ITPK1: variants seen among roughly 807,000 people sequenced by gnomAD.
ITPK1 encodes inositol 1,3,4-trisphosphate 5/6-kinase.
ITPK1 carries 21 observed loss-of-function variants against 45.3 expected under a neutral mutation model. That is an observed-to-expected ratio of 0.46 (90% CI 0.33 to 0.67). ITPK1 has a LOEUF of 0.67. Among genes scored for constraint, ITPK1 ranks in the 30% least tolerant of loss-of-function variants. The pLI, the probability that ITPK1 is intolerant of heterozygous loss-of-function variation, is 0.02. For missense variants in ITPK1, 474 were observed against 573.5 expected (o/e 0.83, Z 1.77); for synonymous variants, 258 against 253.6 (o/e 1.02, Z -0.16).
intron 3 of ITPK1, among the ~76,000 whole-genome samples, chr14:93,053,768 T>C (rs1303137607): frequency 6.6e-6 from 1 of 152,194 alleles, no homozygotes; most frequent in African/African-American, 2.4e-5. Flanking sequence ...TCTCTGCACC[T>C]TCCTCTCAAT....
intron 3 of ITPK1, among the ~76,000 whole-genome samples, chr14:93,018,644 G>A (rs539570122): frequency 2.6e-4 from 40 of 152,264 alleles, no homozygotes; most frequent in African/African-American, 9.6e-4. Flanking sequence ...ACCAAAACCA[G>A]GCTAGCTGAG....
chr14:93,055,762 G>A (rs1416385046), intron 3 of ITPK1, among the ~76,000 whole-genome samples: 1 of 152,172 alleles, frequency 6.6e-6, no homozygotes, highest in Non-Finnish European at 1.5e-5. Context: ...AGAAACTGAA[G>A]GTGCCCAGCG....
At chr14:92,943,263 C>T (rs866013739) in intron 10 of ITPK1, among the ~76,000 whole-genome samples, 50 of 152,346 alleles carry the variant, frequency 3.3e-4, no homozygotes, top group Middle Eastern at 6.8e-3. Context: ...CCATGGCGTT[C>T]ACAGCACTCG....
chr14:93,078,030 T>A (rs894802167), intron 2 of ITPK1, among the ~76,000 whole-genome samples: 1 of 152,174 alleles, frequency 6.6e-6, no homozygotes. Flanking sequence ...TTTAAAGCTA[T>A]GTGTGCCCGT....
At chr14:93,020,931 C>T (rs533775307) in intron 3 of ITPK1, among the ~76,000 whole-genome samples, 2 of 152,206 alleles carry the variant, frequency 1.3e-5, no homozygotes, top group South Asian at 4.2e-4. Flanking sequence ...TAGTCTGAGA[C>T]GGGGACTCAT....
Position 92,941,911 on chromosome 14 carries a change from G to T in ITPK1, c.902-7C>A, listed in dbSNP as rs111490687. On this transcript the variant is annotated splice_polypyrimidine_tract_variant and splice_region_variant and intron_variant, in intron 10 of 10. Transcript: ENST00000267615. Reference sequence around the variant, plus strand: ...TCGCTCACGCCCTCGTAGCCTGGGGGTGGGAGAGAGACAGCACAAGGGGCG... The same window carrying T: ...TCGCTCACGCCCTCGTAGCCTGGGGTTGGGAGAGAGACAGCACAAGGGGCG... The T allele has an allele frequency of 6.2e-7, 1 of 1,610,108 alleles. No homozygotes were observed.
chr14:92,966,389 A>G (rs1885360686), intron 5 of ITPK1, among the ~76,000 whole-genome samples: 1 of 152,250 alleles, frequency 6.6e-6, no homozygotes. Flanking sequence ...AAATTTAAAA[A>G]ATAAGTGTAA....
chr14:93,029,675 G>C (rs1888935482), intron 3 of ITPK1, among the ~76,000 whole-genome samples: 1 of 152,156 alleles, frequency 6.6e-6, no homozygotes, highest in African/African-American at 2.4e-5. Flanking sequence ...ACACAAGGCA[G>C]GAGATGAGCC....
chr14:92,946,555 G>T, intron 9 of ITPK1, 62 bp from the exon 10 acceptor site: 4 of 1,512,666 alleles, frequency 2.6e-6, no homozygotes, highest in Non-Finnish European at 3.6e-6. Flanking sequence ...ACACCACACA[G>T]ACAGACCCCC....
chr14:92,967,948 G>C (rs1219218428), intron 5 of ITPK1, among the ~76,000 whole-genome samples: 1 of 152,174 alleles, frequency 6.6e-6, no homozygotes, highest in Admixed American at 6.5e-5. Context: ...ATTCCTTTGG[G>C]GGTGATGAAA....
Position 93,115,119 on chromosome 14 carries a change from G to A in ITPK1, c.45C>T (p.Ser15=). The A allele has an allele frequency of 6.2e-7, 1 of 1,602,032 alleles. No individual in the cohort carries two copies. The highest frequency in any genetic ancestry group is 1.4e-5 in the African/African-American group (1 of 73,208). ...LKGKRVGYWL[S]EKKIKKLNFQ... is the part of the protein sequence containing the mutation. The stretch of plus-strand genomic sequence containing the variant: ...AATTCAGCTTCTTGATTTTCTTCTC[G>A]CTCAGCCAGTAGCCAACTCTCTTCC... Residue 15 remains serine (S), a synonymous_variant, in exon 2 of 11, where the codon AGC becomes AGT. Coordinates refer to ENST00000267615, the MANE Select transcript of ITPK1 (RefSeq NM_014216.6).
At chr14:92,943,379 G>C (rs183730865) in intron 10 of ITPK1, among the ~76,000 whole-genome samples, 1 of 152,246 alleles carries the variant, frequency 6.6e-6, no homozygotes, top group Non-Finnish European at 1.5e-5. Flanking sequence ...GCTCCTAAGA[G>C]GCAGAGTGGG....
intron 3 of ITPK1, among the ~76,000 whole-genome samples, chr14:93,026,491 C>T (rs959436043): frequency 2.6e-5 from 4 of 152,146 alleles, no homozygotes; most frequent in Admixed American, 6.5e-5. Flanking sequence ...GTCAGAGAGA[C>T]GGATAACAGA....
At chr14:92,972,041 T>C (rs966638145) in intron 5 of ITPK1, among the ~76,000 whole-genome samples, 3 of 152,146 alleles carry the variant, frequency 2.0e-5, no homozygotes, top group Non-Finnish European at 2.9e-5. Flanking sequence ...AGGAAGCCCC[T>C]TGTTGGTCCC....
intron 10 of ITPK1, among the ~76,000 whole-genome samples, 179 bp downstream of exon 10, chr14:92,946,152 C>T (rs1258725157): frequency 6.6e-6 from 1 of 152,170 alleles, no homozygotes; most frequent in Admixed American, 6.5e-5. Flanking sequence ...TCCCTCCTCG[C>T]ACACCCCGTA....
At position 92,941,856 on chromosome 14, in the gene ITPK1, G is replaced by A. The variant is rs1566683232; in HGVS notation, c.950C>T (p.Ala317Val). 1 of 1,612,716 alleles carries A rather than the reference G, an allele frequency of 6.2e-7. No individual in the cohort carries two copies. Residue 317 changes from alanine to valine, a missense_variant, in exon 11 of 11, where the codon GCC (alanine) becomes GTC (valine). Physicochemically the swap from Ala to Val is moderately conservative, Grantham distance 64. Coordinates refer to ENST00000267615, the MANE Select transcript of ITPK1 (RefSeq NM_014216.6). ...TGTGCTCTGGCCCTGCAGGACAGTG[G>A]CGATGTGGTTCAGGAGGTCTGTGAA... ...EFFTDLLNHI[A>V]TVLQGQSTAM...
chr14:93,102,111 C>T (rs572964538), intron 2 of ITPK1, among the ~76,000 whole-genome samples: 2 of 152,364 alleles, frequency 1.3e-5, no homozygotes, highest in African/African-American at 4.8e-5. Flanking sequence ...ACAGGCACCT[C>T]GTCAGCTCCC....
Position 93,032,030 on chromosome 14 carries a change from G to C in ITPK1, c.121-15229C>G, listed in dbSNP as rs1740695. ...TCCGAAGAGAGCATTCCTTGAGGCA[G>C]TTTTCCAAACTGGTATTTGATATAA... On this transcript the variant is annotated intron_variant, in intron 3 of 10. Coordinates refer to ENST00000267615, the MANE Select transcript of ITPK1 (RefSeq NM_014216.6). This position sits in a 1 kb window ranked among gnomAD's most constrained non-coding sequence, Gnocchi z 4.0. 6.6e-6 allele frequency among the ~76,000 whole-genome samples: 1 copy of C among 152,032 alleles called. No individual in the cohort carries two copies. The highest frequency in any genetic ancestry group is 6.5e-5 in the Admixed American group (1 of 15,268).
At chr14:92,969,395 T>C (rs982613958) in intron 5 of ITPK1, among the ~76,000 whole-genome samples, 13 of 94,586 alleles carry the variant, frequency 1.4e-4, no homozygotes, top group Non-Finnish European at 4.5e-5. Flanking sequence ...ACTGGGGGGG[T>C]GGGGAGGCGC....
Sources: allele counts gnomAD v4.1 joint callset (sites outside exome capture counted in the v4.1 genomes callset), GRCh38; gene constraint gnomAD v4.1.1; non-coding constraint Gnocchi (gnomAD v3.1); transcripts MANE v1.5; gene names NCBI Gene and HGNC (gene_info 2026-07-23, HGNC 2026-07-21).